PPHLN1: variants seen among roughly 807,000 people sequenced by gnomAD.
PPHLN1 encodes periphilin-1.
In PPHLN1, 29 loss-of-function variants were observed where a neutral mutation model predicts 51.3. The ratio of observed to expected loss-of-function variants is 0.57; its 90% CI spans 0.42 to 0.77. The LOEUF (loss-of-function observed/expected upper bound fraction) is 0.77. Among genes scored for constraint, PPHLN1 ranks in the 30% least tolerant of loss-of-function variants. The pLI is 0.00. For synonymous variants in PPHLN1, 147 were observed against 147.8 expected (o/e 0.99, Z 0.04); for missense variants, 436 against 438.4 (o/e 0.99, Z 0.05).
intron 1 of PPHLN1, among the ~76,000 whole-genome samples, chr12:42,330,696 A>G (rs558108482): frequency 6.6e-6 from 1 of 152,220 alleles, no homozygotes; most frequent in Non-Finnish European, 1.5e-5. Context: ...TTCAGGGTAC[A>G]GATCTTTTTT....
chr12:42,335,414 TAGAG>T (rs528426993), intron 1 of PPHLN1, among the ~76,000 whole-genome samples: 186 of 152,226 alleles, frequency 1.2e-3, no homozygotes, highest in Non-Finnish European at 2.0e-3. Context: ...TTATTTAACA[TAGAG>T]AGAGTAGATA....
chr12:42,444,996 C>A, downstream of PPHLN1: 2 of 696,536 alleles, frequency 2.9e-6, no homozygotes, highest in South Asian at 1.5e-5. Context: ...TTTTTCTGTT[C>A]AGCCCATCAA....
intron 9 of PPHLN1, among the ~76,000 whole-genome samples, chr12:42,414,515 T>G (rs745693876): frequency 2.9e-4 from 43 of 149,584 alleles, no homozygotes; most frequent in Non-Finnish European, 3.1e-4. Context: ...CCTAGGTATT[T>G]TATTTTATTT....
chr12:42,346,163 G>A (rs911067688), intron 2 of PPHLN1, among the ~76,000 whole-genome samples: 1 of 151,980 alleles, frequency 6.6e-6, no homozygotes, highest in Non-Finnish European at 1.5e-5. Flanking sequence ...TCCTCATATT[G>A]TACATTAGAT....
intron 9 of PPHLN1, among the ~76,000 whole-genome samples, chr12:42,424,284 G>A (rs1245725579): frequency 6.6e-6 from 1 of 152,190 alleles, no homozygotes; most frequent in Non-Finnish European, 1.5e-5. Flanking sequence ...TAAAGGCAAA[G>A]TATTGAAAAT....
chr12:42,392,513 A>G (rs1420980556), intron 7 of PPHLN1, among the ~76,000 whole-genome samples: 1 of 152,200 alleles, frequency 6.6e-6, no homozygotes, highest in Non-Finnish European at 1.5e-5. Context: ...AGGTTTTTTA[A>G]GAAGAGATGG....
At chr12:42,433,623 A>G (rs1194061630) in intron 9 of PPHLN1, among the ~76,000 whole-genome samples, 1 of 152,200 alleles carries the variant, frequency 6.6e-6, no homozygotes, top group African/African-American at 2.4e-5. Context: ...CACCCGGCCC[A>G]CACTGTATTC....
At chr12:42,427,480 A>G (rs1258409964) in intron 9 of PPHLN1, among the ~76,000 whole-genome samples, 1 of 152,182 alleles carries the variant, frequency 6.6e-6, no homozygotes, top group Admixed American at 6.5e-5. Flanking sequence ...CTTACAGCCA[A>G]CTGATCTTCG....
At chr12:42,360,110 C>CAAAAAAAAA (rs10643805) in intron 4 of PPHLN1, among the ~76,000 whole-genome samples, 13 of 123,110 alleles carry the variant, frequency 1.1e-4, no homozygotes, top group South Asian at 2.7e-4. Flanking sequence ...GACTCCATCT[C>CAAAAAAAAA]AAAAAAAAAA....
intron 8 of PPHLN1, among the ~76,000 whole-genome samples, chr12:42,397,017 G>T (rs1158747844): frequency 6.8e-6 from 1 of 146,346 alleles, no homozygotes; most frequent in Non-Finnish European, 1.5e-5. Context: ...CAGCCTGGGT[G>T]GCAGAGCAAG....
chr12:42,374,822 G>T (rs750891946), intron 4 of PPHLN1, 41 bp from the exon 5 acceptor site: 13 of 1,458,224 alleles, frequency 8.9e-6, no homozygotes, highest in Middle Eastern at 1.8e-4. Flanking sequence ...ATAGAGGATA[G>T]AGTATAATTA....
chr12:42,417,559 T>TTTTCCAACTGCAA (rs1218830679), intron 9 of PPHLN1, among the ~76,000 whole-genome samples: 3 of 152,110 alleles, frequency 2.0e-5, no homozygotes, highest in Non-Finnish European at 2.9e-5. Flanking sequence ...TAATTGCAGT[T>TTTTCCAACTGCAA]TTGGACTTTT....
intron 9 of PPHLN1, among the ~76,000 whole-genome samples, chr12:42,437,616 A>G (rs1179418549): frequency 6.6e-6 from 1 of 152,160 alleles, no homozygotes; most frequent in African/African-American, 2.4e-5. Flanking sequence ...AGTTTCCCCT[A>G]TTATTAACAT....
At position 42,441,331 on chromosome 12, in the gene PPHLN1, G is replaced by T; in HGVS notation, c.926G>T (p.Cys309Phe). The T allele has an allele frequency of 6.2e-7, 1 of 1,612,282 alleles. No individual in the cohort carries two copies. Among genetic ancestry groups the T allele is most frequent in the Non-Finnish European group, 8.5e-7 (1 of 1,178,790 alleles). ...ACCTTTTAGGTTTACCGACAAGACT[G>T]TGAAACTTTCGGGATGGTGGTGAAA... is the stretch of plus-strand genomic sequence containing the variant. ...KEIEQVYRQD[C>F]ETFGMVVKML... is the part of the protein sequence containing the mutation. The change falls in exon 10 of 10, where the codon TGT (cysteine) becomes TTT (phenylalanine). Residue 309 changes from cysteine (C) to phenylalanine (F), a missense_variant. Coordinates refer to ENST00000358314, the MANE Select transcript of PPHLN1 (RefSeq NM_201439.2).
chr12:42,398,851 A>G lies in PPHLN1; in HGVS notation c.769-3A>G. ...AATTAAAGATTTCTAATTCCTTTTC[A>G]AGGCGGGATCCACAGCACCATTGTT... On this transcript the variant is annotated splice_region_variant and splice_polypyrimidine_tract_variant and intron_variant, in intron 8 of 9. Coordinates refer to ENST00000358314, the MANE Select transcript of PPHLN1 (RefSeq NM_201439.2). 3.7e-6 allele frequency: 6 copies of G among 1,611,374 alleles called. No individual in the cohort carries two copies. The highest frequency in any genetic ancestry group is 1.7e-4 in the Middle Eastern group (1 of 6,040).
chr12:42,337,064 T>C (rs1444084007), intron 2 of PPHLN1, among the ~76,000 whole-genome samples: 1 of 152,160 alleles, frequency 6.6e-6, no homozygotes, highest in African/African-American at 2.4e-5. Flanking sequence ...CTATATGTCA[T>C]TTATTTCCAG....
Position 42,375,023 on chromosome 12 carries a change from T to G in PPHLN1, c.460T>G (p.Tyr154Asp). The G allele has an allele frequency of 6.2e-7, 1 of 1,613,988 alleles. No individual in the cohort carries two copies. The highest frequency in any genetic ancestry group is 8.5e-7 in the Non-Finnish European group (1 of 1,179,944). The change falls in exon 5 of 10, where the codon TAC becomes GAC. Residue 154 changes from tyrosine (Y) to aspartate (D), a missense_variant. Coordinates refer to ENST00000358314, the MANE Select transcript of PPHLN1 (RefSeq NM_201439.2). ...TGGTTCCAGTGTCAGTAGCAGAAGCTACTCTCCAGAAAGGAGCAAATCATA... is the reference window on the plus strand; with the variant it reads ...TGGTTCCAGTGTCAGTAGCAGAAGCGACTCTCCAGAAAGGAGCAAATCATA... ...RSGSSVSSRSYSPERSKSYSF... is the reference protein window; with the variant it reads ...RSGSSVSSRSDSPERSKSYSF...
chr12:42,407,183 T>C (rs1358882945), intron 9 of PPHLN1, among the ~76,000 whole-genome samples: 7 of 152,244 alleles, frequency 4.6e-5, no homozygotes, highest in African/African-American at 7.2e-5. Flanking sequence ...CTTTGAATTT[T>C]GTAGAAATTT....
At chr12:42,398,153 A>G (rs536485800) in intron 8 of PPHLN1, among the ~76,000 whole-genome samples, 20 of 152,174 alleles carry the variant, frequency 1.3e-4, no homozygotes, top group Admixed American at 4.6e-4. Flanking sequence ...ATGTATTCCA[A>G]TACTTAATCT....
Sources: allele counts gnomAD v4.1 joint callset (sites outside exome capture counted in the v4.1 genomes callset), GRCh38; gene constraint gnomAD v4.1.1; transcripts MANE v1.5; gene names NCBI Gene and HGNC (gene_info 2026-07-23, HGNC 2026-07-21).